VTI1A: variants seen among roughly 807,000 people sequenced by gnomAD.
VTI1A encodes the protein vesicle transport through interaction with t-SNAREs homolog 1A.
In VTI1A, 22 loss-of-function variants were observed where a neutral mutation model predicts 34.9. That is an observed-to-expected ratio of 0.63 (90% CI 0.45 to 0.90). The LOEUF is 0.90. VTI1A is among the 40% of genes least tolerant of loss of function. VTI1A has a pLI of 0.00. For missense variants in VTI1A, 268 were observed against 275.6 expected (o/e 0.97, Z 0.20); for synonymous variants, 87 against 97.3 (o/e 0.89, Z 0.62).
chr10:112,510,421 G>T (rs1245573708), intron 3 of VTI1A, among the ~76,000 whole-genome samples: 1 of 152,040 alleles, frequency 6.6e-6, no homozygotes, highest in Non-Finnish European at 1.5e-5. Context: ...ATTGCTTGAG[G>T]CCAGGAGTTC....
intron 7 of VTI1A, among the ~76,000 whole-genome samples, chr10:112,790,828 G>A (rs956941746): frequency 1.3e-5 from 2 of 149,158 alleles, no homozygotes; most frequent in Non-Finnish European, 1.5e-5. Flanking sequence ...CGACCTCTTC[G>A]CTCATAGCTG....
intron 2 of VTI1A, among the ~76,000 whole-genome samples, chr10:112,462,238 T>G (rs371800044): frequency 6.6e-6 from 1 of 152,252 alleles, no homozygotes; most frequent in African/African-American, 2.4e-5. Context: ...CCATCTGATT[T>G]GTATTAGTCT....
chr10:112,477,443 CTCCA>C (rs1170116161), intron 3 of VTI1A, among the ~76,000 whole-genome samples: 1 of 152,216 alleles, frequency 6.6e-6, no homozygotes, highest in Non-Finnish European at 1.5e-5. Flanking sequence ...ACAGGTCAAG[CTCCA>C]TCAAAGAAGA....
chr10:112,588,555 A>G (rs1053845442), intron 5 of VTI1A, among the ~76,000 whole-genome samples: 3 of 152,222 alleles, frequency 2.0e-5, no homozygotes, highest in Non-Finnish European at 4.4e-5. Flanking sequence ...TTTGAAATGA[A>G]TAATAACCCC....
At chr10:112,456,427 A>G (rs1785367202) in intron 1 of VTI1A, among the ~76,000 whole-genome samples, 1 of 151,526 alleles carries the variant, frequency 6.6e-6, no homozygotes. Context: ...ATCTCAAAAA[A>G]AAAAAAAAAA....
chr10:112,648,991 G>C (rs1397975183), intron 5 of VTI1A, among the ~76,000 whole-genome samples: 1 of 152,002 alleles, frequency 6.6e-6, no homozygotes, highest in Non-Finnish European at 1.5e-5. Context: ...GATATTTGGG[G>C]TATTTTTTTT....
Position 112,448,019 on chromosome 10 carries a change from G to T in VTI1A, c.94+552G>T, listed in dbSNP as rs192748670. ...CATTGCACTCCAGCCTAGGCAACAA[G>T]AGTGAAACTCCGTCTCAAATAAATA... On this transcript the variant is annotated intron_variant, in intron 1 of 7. Coordinates refer to ENST00000393077, the MANE Select transcript of VTI1A (RefSeq NM_145206.4). 2.2e-4 allele frequency among the ~76,000 whole-genome samples: 34 copies of T among 152,140 alleles called. 1 individual carries two copies. The East Asian group carries it at 5.8e-3, about 26-fold the overall frequency.
At chr10:112,830,835 A>ATTTTTT in the VTI1A span, among the ~76,000 whole-genome samples, 5 of 45,756 alleles carry the variant, frequency 1.1e-4, 1 homozygote, top group Admixed American at 5.7e-4. Context: ...ATATATATAT[A>ATTTTTT]TATATATATA....
chr10:112,790,678 T>G (rs1208803502), intron 7 of VTI1A, among the ~76,000 whole-genome samples: 1 of 152,096 alleles, frequency 6.6e-6, no homozygotes, highest in Non-Finnish European at 1.5e-5. Context: ...GGGGTTGTTC[T>G]TACCCAAAAT....
Position 112,483,763 on chromosome 10 carries a change from G to A in VTI1A, c.264+19106G>A, listed in dbSNP as rs1049808616. On this transcript the variant is annotated intron_variant, in intron 3 of 7. Transcript: ENST00000393077. The stretch of plus-strand genomic sequence containing the variant: ...TGAGAGCCACTCAGTCTAGAATGAC[G>A]TTGATGGGGATTTCAGAGAGAGAGA... 2.4e-5 allele frequency among the ~76,000 whole-genome samples: 3 copies of A among 124,032 alleles called. No individual in the cohort carries two copies. The East Asian group carries it at 6.3e-4, about 26-fold the overall frequency. The allele number at this position is 124,032 out of a possible 152,430, so 81.4% of individuals were successfully genotyped here. A position where few individuals can be genotyped will look rare whatever the true frequency, so the allele number is the denominator to read the frequency against.
At chr10:112,554,613 A>G (rs929691553) in intron 5 of VTI1A, among the ~76,000 whole-genome samples, 5 of 152,148 alleles carry the variant, frequency 3.3e-5, no homozygotes, top group Admixed American at 3.3e-4. Context: ...TTGAGTACCC[A>G]TCATGTAATA....
At chr10:112,527,353 C>A in intron 4 of VTI1A, 189 bp downstream of exon 4, 1 of 443,142 alleles carries the variant, frequency 2.3e-6, no homozygotes, top group Non-Finnish European at 4.0e-6. Context: ...TAACCCTTTA[C>A]CTTGTGATCA....
intron 5 of VTI1A, among the ~76,000 whole-genome samples, chr10:112,636,636 C>T (rs933524919): frequency 2.7e-5 from 4 of 148,382 alleles, no homozygotes; most frequent in South Asian, 2.1e-4. Context: ...GACTGAGGCA[C>T]GAGAATTGCT....
At chr10:112,502,005 A>G (rs1158046840) in intron 3 of VTI1A, among the ~76,000 whole-genome samples, 2 of 147,980 alleles carry the variant, frequency 1.4e-5, no homozygotes, top group Non-Finnish European at 3.0e-5. Flanking sequence ...CTCTCTGCCC[A>G]TGTTCCCTAG....
At chr10:112,526,549 CTCTT>C (rs1465363937) in intron 3 of VTI1A, among the ~76,000 whole-genome samples, 4 of 152,168 alleles carry the variant, frequency 2.6e-5, no homozygotes, top group Admixed American at 2.0e-4. Context: ...TAAATTCTCT[CTCTT>C]TCTGGTTAGT....
chr10:112,616,352 G>A (rs1845513884), intron 5 of VTI1A, among the ~76,000 whole-genome samples: 2 of 152,140 alleles, frequency 1.3e-5, no homozygotes, highest in African/African-American at 4.8e-5. Flanking sequence ...CAATGGGATA[G>A]CTAAATTCGA....
At chr10:112,650,193 C>G (rs1355491486) in intron 5 of VTI1A, among the ~76,000 whole-genome samples, 1 of 152,174 alleles carries the variant, frequency 6.6e-6, no homozygotes. Flanking sequence ...TCTTCATATC[C>G]TCATTCTATG....
At chr10:112,638,336 C>A (rs551949829) in intron 5 of VTI1A, among the ~76,000 whole-genome samples, 72 of 152,206 alleles carry the variant, frequency 4.7e-4, no homozygotes, top group African/African-American at 1.7e-3. Context: ...TAATGCTGGA[C>A]AAATATGCTG....
chr10:112,463,944 A>G (rs2134051020), intron 2 of VTI1A, among the ~76,000 whole-genome samples: 1 of 152,330 alleles, frequency 6.6e-6, no homozygotes, highest in South Asian at 2.1e-4. Context: ...TATTCCAAGT[A>G]TATTGAAATC....
Sources: allele counts gnomAD v4.1 joint callset (sites outside exome capture counted in the v4.1 genomes callset), GRCh38; gene constraint gnomAD v4.1.1; transcripts MANE v1.5; gene names NCBI Gene and HGNC (gene_info 2026-07-23, HGNC 2026-07-21).